Variants in IFT70A observed in about 807,000 individuals in gnomAD.
IFT70A encodes the protein intraflagellar transport 70A.
At chr2:177,613,938 C>T in the IFT70A span, 8 of 152,166 alleles carry the variant, frequency 5.3e-5, no homozygotes, top group South Asian at 1.7e-3. Context: ...GCAGGTCTCA[C>T]TTAAACTAAC....
the IFT70A span, chr2:177,616,972 T>A: frequency 6.1e-5 from 98 of 1,611,440 alleles, no homozygotes; most frequent in Non-Finnish European, 8.1e-5. Context: ...TGTTCCCAGC[T>A]TTTTATTATA....
At chr2:177,617,328 A>G in the IFT70A span, 33 of 1,591,406 alleles carry the variant, frequency 2.1e-5, no homozygotes, top group Non-Finnish European at 2.7e-5. Flanking sequence ...ACTTCCACAC[A>G]TCATGGTCGT....
At chr2:177,618,168 A>T in the IFT70A span, 1 of 1,614,238 alleles carries the variant, frequency 6.2e-7, no homozygotes. Flanking sequence ...GCAGTGTGGC[A>T]GAAAACTTGG....
At chr2:177,617,121 C>A in the IFT70A span, 8 of 1,609,440 alleles carry the variant, frequency 5.0e-6, no homozygotes, top group African/African-American at 1.3e-5. Flanking sequence ...GCTGCTCTTC[C>A]TCCTTTTCAA....
chr2:177,617,993 G>A, the IFT70A span: 45 of 1,614,218 alleles, frequency 2.8e-5, no homozygotes, highest in African/African-American at 3.2e-4. Flanking sequence ...CCAACACTGC[G>A]AACATCAAAG....
the IFT70A span, chr2:177,617,503 G>A: frequency 6.2e-7 from 1 of 1,614,144 alleles, no homozygotes; most frequent in Non-Finnish European, 8.5e-7. Flanking sequence ...GTTGTGTCTT[G>A]CTTCCTGTAC....
chr2:177,614,607 T>C, the IFT70A span: 6 of 152,186 alleles, frequency 3.9e-5, no homozygotes, highest in Non-Finnish European at 7.4e-5. Flanking sequence ...ATAATCATAG[T>C]GCTCACTCAC....
At chr2:177,618,492 C>T in the IFT70A span, 2 of 1,586,012 alleles carry the variant, frequency 1.3e-6, no homozygotes, top group Admixed American at 1.8e-5. Flanking sequence ...GCTGGCCCAG[C>T]TGCTCATAGC....
the IFT70A span, chr2:177,618,704 C>G: frequency 4.2e-5 from 65 of 1,562,192 alleles, no homozygotes; most frequent in Non-Finnish European, 5.1e-5. Flanking sequence ...CCAGCCATAA[C>G]CACCACGGCT....
chr2:177,618,009 G>C, the IFT70A span: 1 of 1,614,096 alleles, frequency 6.2e-7, no homozygotes, highest in Non-Finnish European at 8.5e-7. Context: ...CAAAGCCCTC[G>C]GTGGTCATGC....
At chr2:177,618,009 G>A in the IFT70A span, 9,318 of 1,614,214 alleles carry the variant, frequency 5.8e-3, 52 homozygotes, top group East Asian at 0.021. Context: ...CAAAGCCCTC[G>A]GTGGTCATGC....
the IFT70A span, chr2:177,617,509 T>A: frequency 6.2e-7 from 1 of 1,614,246 alleles, no homozygotes; most frequent in Non-Finnish European, 8.5e-7. Flanking sequence ...TCTTGCTTCC[T>A]GTACTTGCTT....
chr2:177,617,375 C>G, the IFT70A span: 3 of 1,598,084 alleles, frequency 1.9e-6, no homozygotes, highest in East Asian at 6.7e-5. Context: ...ACCTTTTCCA[C>G]CATTGGATAA....
the IFT70A span, chr2:177,614,701 T>A: frequency 1.3e-5 from 2 of 152,172 alleles, no homozygotes; most frequent in Non-Finnish European, 2.9e-5. Context: ...AAAATGTCCC[T>A]ATAATTCTAT....
the IFT70A span, chr2:177,616,573 C>T: frequency 1.1e-6 from 1 of 871,982 alleles, no homozygotes; most frequent in Admixed American, 3.3e-5. Flanking sequence ...GTTGCTCAAA[C>T]ATAAACTTGT....
chr2:177,617,832 C>T, the IFT70A span: 163,637 of 1,612,774 alleles, frequency 0.1, 11,002 homozygotes, highest in South Asian at 0.25. Flanking sequence ...CCTGGTTGTG[C>T]AGGGTCACAG....
the IFT70A span, chr2:177,616,800 G>C: frequency 3.4e-4 from 540 of 1,597,674 alleles, no homozygotes; most frequent in African/African-American, 3.1e-3. Flanking sequence ...TTTCTTCTTC[G>C]AGGGGTTGTT....
At chr2:177,617,104 T>C in the IFT70A span, 1 of 1,612,076 alleles carries the variant, frequency 6.2e-7, no homozygotes, top group Non-Finnish European at 8.5e-7. Context: ...TGGGTCATCA[T>C]AAGAGAGCTG....
the IFT70A span, chr2:177,614,504 T>G: frequency 6.6e-6 from 1 of 152,188 alleles, no homozygotes; most frequent in Admixed American, 6.5e-5. Context: ...TAAAATTTTT[T>G]CTGGCATTAC....
Sources: gnomAD v4.1 joint callset for allele counts on GRCh38, gnomAD v4.1.1 for gene constraint, MANE v1.5 for transcripts, NCBI Gene and HGNC (gene_info 2026-07-23, HGNC 2026-07-21) for gene names.